Variants in NFIA observed in about 807,000 individuals in gnomAD.
NFIA encodes the protein nuclear factor I A, also known as nuclear factor 1 A-type.
Under a neutral mutation model 62.8 loss-of-function variants are expected in NFIA, and 8 were observed. The observed-to-expected ratio is 0.13, with a 90% CI of 0.07 to 0.23. NFIA has a LOEUF of 0.23. Among genes scored for constraint, NFIA ranks in the 10% least tolerant of loss-of-function variants. The pLI is 1.00. For synonymous variants in NFIA, 235 were observed against 238.1 expected (o/e 0.99, Z 0.12); for missense variants, 410 against 642.1 (o/e 0.64, Z 3.91).
rs1316302952 is a variant in NFIA, at chr1:61,359,215, G to C, written c.887G>C (p.Gly296Ala). Residue 296 changes from glycine to alanine, a missense_variant, in exon 6 of 11, where the codon GGC (glycine) becomes GCC (alanine). Gly to Ala is a moderately conservative substitution (Grantham distance 60). Transcript: ENST00000403491. ...DSPGEEPFYT[G>A]QGRSPGSGSQ... ...CCTGGTGAGGAGCCATTTTATACAGGCCAAGGGCGCTCCCCAGGAAGTGGC... is the reference window on the plus strand; with the variant it reads ...CCTGGTGAGGAGCCATTTTATACAGCCCAAGGGCGCTCCCCAGGAAGTGGC... 2.5e-6 allele frequency: 4 copies of C among 1,613,034 alleles called. No homozygotes were observed. Among genetic ancestry groups the C allele is most frequent in the Non-Finnish European group, 3.4e-6 (4 of 1,179,994 alleles).
At chr1:61,180,120 C>A (rs933237646) in intron 2 of NFIA, among the ~76,000 whole-genome samples, 1 of 152,108 alleles carries the variant, frequency 6.6e-6, no homozygotes, top group Non-Finnish European at 1.5e-5. Context: ...CAGGTGGATG[C>A]CCCTGATTGT....
intron 3 of NFIA, among the ~76,000 whole-genome samples, chr1:61,285,666 G>A (rs374226699): frequency 7.2e-5 from 11 of 152,210 alleles, no homozygotes; most frequent in Admixed American, 6.5e-5. Context: ...TCTCAAATAG[G>A]GGTGGAGGGT....
At chr1:61,282,984 C>A (rs1658229617) in intron 3 of NFIA, among the ~76,000 whole-genome samples, 1 of 152,106 alleles carries the variant, frequency 6.6e-6, no homozygotes. Context: ...TCAGTGGAAG[C>A]CCATTAATCA....
intron 9 of NFIA, among the ~76,000 whole-genome samples, chr1:61,417,004 T>G (rs940038513): frequency 2.0e-5 from 3 of 152,040 alleles, no homozygotes; most frequent in African/African-American, 4.8e-5. Flanking sequence ...GGAAAAAGAT[T>G]AAGAGATAAG....
At chr1:61,127,058 G>C (rs1026932445) in intron 2 of NFIA, among the ~76,000 whole-genome samples, 1 of 148,030 alleles carries the variant, frequency 6.8e-6, no homozygotes, top group African/African-American at 2.5e-5. Context: ...CCAAAGCGCT[G>C]AGATTAAAAT....
intron 3 of NFIA, among the ~76,000 whole-genome samples, chr1:61,284,796 C>T (rs1163884842): frequency 6.6e-6 from 1 of 152,122 alleles, no homozygotes; most frequent in South Asian, 2.1e-4. Flanking sequence ...CCACTCCCCC[C>T]ACCTCCAACC....
At chr1:61,213,117 GTA>G (rs1271901115) in intron 2 of NFIA, among the ~76,000 whole-genome samples, 1 of 152,186 alleles carries the variant, frequency 6.6e-6, no homozygotes, top group African/African-American at 2.4e-5. Flanking sequence ...AATCGGGAAA[GTA>G]TAACCCCGAG....
intron 10 of NFIA, among the ~76,000 whole-genome samples, chr1:61,443,812 TCTCTG>T (rs1667692136): frequency 6.6e-6 from 1 of 152,188 alleles, no homozygotes; most frequent in African/African-American, 2.4e-5. Flanking sequence ...ATGGCTGCTT[TCTCTG>T]AACTCCTTGA....
At chr1:61,448,712 GT>G (rs1667934320) in intron 10 of NFIA, among the ~76,000 whole-genome samples, 1 of 152,200 alleles carries the variant, frequency 6.6e-6, no homozygotes, top group South Asian at 2.1e-4. Context: ...CAGCTCTCTA[GT>G]AGGATCTTGG....
At chr1:61,141,075 G>A (rs999118475) in intron 2 of NFIA, among the ~76,000 whole-genome samples, 7 of 150,670 alleles carry the variant, frequency 4.6e-5, no homozygotes, top group South Asian at 2.1e-4. Flanking sequence ...ATTATGTGAC[G>A]GGCAGTTGAA....
At chr1:61,200,087 A>G (rs573038008) in intron 2 of NFIA, among the ~76,000 whole-genome samples, 15 of 125,504 alleles carry the variant, frequency 1.2e-4, no homozygotes, top group Non-Finnish European at 2.3e-4. Context: ...TTGAGCTAGA[A>G]TTATGCAATT....
chr1:61,114,009 C>G (rs953439579), intron 2 of NFIA, among the ~76,000 whole-genome samples: 4 of 151,952 alleles, frequency 2.6e-5, no homozygotes, highest in African/African-American at 7.3e-5. Flanking sequence ...GCATTGAAAA[C>G]AAGAGTAGAG....
chr1:61,135,033 ATT>A (rs1351475115), intron 2 of NFIA, among the ~76,000 whole-genome samples: 2 of 152,236 alleles, frequency 1.3e-5, no homozygotes, highest in Non-Finnish European at 2.9e-5. Flanking sequence ...CTTTACACCC[ATT>A]CTTTTCCCAC....
At chr1:61,306,269 C>CT (rs774297484) in intron 3 of NFIA, among the ~76,000 whole-genome samples, 885 of 60,608 alleles carry the variant, frequency 0.015, 33 homozygotes, top group African/African-American at 0.059. Flanking sequence ...AGATTTTGTT[C>CT]TTTTTTTTTT....
intron 7 of NFIA, among the ~76,000 whole-genome samples, chr1:61,392,821 G>A (rs997613451): frequency 6.6e-6 from 1 of 152,224 alleles, no homozygotes; most frequent in African/African-American, 2.4e-5. Flanking sequence ...AGAGAATAGG[G>A]TGATGAACCC....
At chr1:61,128,915 GTTTTT>G (rs10635152) in intron 2 of NFIA, among the ~76,000 whole-genome samples, 4 of 74,124 alleles carry the variant, frequency 5.4e-5, no homozygotes, top group Non-Finnish European at 9.0e-5. Context: ...GCTTACTTAT[GTTTTT>G]TTTTTTTTTT....
intron 7 of NFIA, among the ~76,000 whole-genome samples, chr1:61,386,711 C>G (rs1664704404): frequency 5.9e-5 from 9 of 152,180 alleles, no homozygotes; most frequent in Admixed American, 5.9e-4. Context: ...GAAAATCTCT[C>G]TCTTAAGATT....
At chr1:61,360,654 A>T (rs1450911864) in intron 6 of NFIA, among the ~76,000 whole-genome samples, 1 of 152,160 alleles carries the variant, frequency 6.6e-6, no homozygotes, top group East Asian at 1.9e-4. Flanking sequence ...TTTTCAAAAG[A>T]CAATGCTCAG....
intron 2 of NFIA, among the ~76,000 whole-genome samples, chr1:61,123,405 A>G (rs1646919924): frequency 6.6e-6 from 1 of 152,214 alleles, no homozygotes; most frequent in Non-Finnish European, 1.5e-5. Context: ...ATTTGAGATG[A>G]TTCAAGACAT....
Sources: allele counts gnomAD v4.1 joint callset (sites outside exome capture counted in the v4.1 genomes callset), GRCh38; gene constraint gnomAD v4.1.1; transcripts MANE v1.5; gene names NCBI Gene and HGNC (gene_info 2026-07-23, HGNC 2026-07-21).